DBF4: variants seen among roughly 807,000 people sequenced by gnomAD.
DBF4 encodes the protein protein DBF4 homolog A.
In DBF4, 25 loss-of-function variants were observed where a neutral mutation model predicts 76.6. The observed-to-expected ratio is 0.33, with a 90% CI of 0.24 to 0.46. The LOEUF (loss-of-function observed/expected upper bound fraction) is 0.46. Among genes scored for constraint, DBF4 ranks in the 20% least tolerant of loss-of-function variants. DBF4 has a pLI of 1.00. For missense variants in DBF4, 638 were observed against 760.8 expected, an observed-to-expected ratio of 0.84 and a Z score of 1.90; for synonymous variants, 213 against 258.0, an observed-to-expected ratio of 0.83 and a Z score of 1.67.
chr7:87,877,717 G>A (rs954463315), intron 1 of DBF4, among the ~76,000 whole-genome samples: 4 of 152,184 alleles, frequency 2.6e-5, no homozygotes, highest in Non-Finnish European at 4.4e-5. Context: ...AATGGCAGAT[G>A]CTCAATAAAT....
Position 87,893,331 on chromosome 7 carries a change from C to T in DBF4, c.598-3143C>T, listed in dbSNP as rs375452635. On this transcript the variant is annotated intron_variant, in intron 6 of 11. Coordinates refer to ENST00000265728, the MANE Select transcript of DBF4 (RefSeq NM_006716.4). ...CGCAATCTCGGCTCACTGCAAGCTC[C>T]GCTTCCCGGGTTCACGCCATTCTCC... Among the ~76,000 whole-genome samples, 41 of 151,184 alleles carry T rather than the reference C, an allele frequency of 2.7e-4. No homozygotes were observed. The East Asian group carries it at 3.3e-3, about 12-fold the overall frequency.
At chr7:87,899,763 A>G (rs1839725128) in intron 8 of DBF4, among the ~76,000 whole-genome samples, 1 of 152,230 alleles carries the variant, frequency 6.6e-6, no homozygotes, top group South Asian at 2.1e-4. Context: ...AAGTGAAATA[A>G]GACAAAAAAT....
chr7:87,888,209 T>C, intron 6 of DBF4, 150 bp downstream of exon 6: 1 of 1,268,728 alleles, frequency 7.9e-7, no homozygotes, highest in Non-Finnish European at 1.0e-6. Flanking sequence ...CGAGTGTCAT[T>C]TAACTTTAGG....
intron 3 of DBF4, among the ~76,000 whole-genome samples, chr7:87,885,596 A>G (rs911592120): frequency 3.9e-5 from 6 of 152,218 alleles, no homozygotes; most frequent in Non-Finnish European, 8.8e-5. Context: ...AAATATCAAA[A>G]GAATATTTTG....
intron 2 of DBF4, among the ~76,000 whole-genome samples, chr7:87,879,323 A>C (rs1474589506): frequency 6.6e-6 from 1 of 152,186 alleles, no homozygotes; most frequent in Non-Finnish European, 1.5e-5. Context: ...TATTTTATTT[A>C]CTTATCTCTG....
intron 2 of DBF4, among the ~76,000 whole-genome samples, chr7:87,881,050 G>A (rs572136752): frequency 6.6e-6 from 1 of 152,268 alleles, no homozygotes; most frequent in African/African-American, 2.4e-5. Context: ...GAAGACCCTG[G>A]TAAAATTGAT....
chr7:87,877,492 T>G (rs536882920), intron 1 of DBF4, among the ~76,000 whole-genome samples: 1 of 152,322 alleles, frequency 6.6e-6, no homozygotes, highest in East Asian at 1.9e-4. Context: ...ATGAAAATAA[T>G]GAAAGGTTTA....
At chr7:87,885,862 T>C (rs1584356099) in intron 3 of DBF4, among the ~76,000 whole-genome samples, 1 of 152,180 alleles carries the variant, frequency 6.6e-6, no homozygotes, top group Non-Finnish European at 1.5e-5. Context: ...AATTGAAAGA[T>C]GCAAGGAAAG....
chr7:87,900,132 C>T, intron 8 of DBF4, 89 bp from the exon 9 acceptor site: 1 of 1,104,394 alleles, frequency 9.1e-7, no homozygotes. Context: ...CAGATTCCAG[C>T]TTAATTATAT....
intron 8 of DBF4, 78 bp downstream of exon 8, chr7:87,897,417 G>A (rs1234844901): frequency 3.6e-5 from 48 of 1,321,472 alleles, no homozygotes; most frequent in Admixed American, 1.5e-4. Context: ...AGGCTAGCTC[G>A]ATTAGTACTG....
At chr7:87,903,294 G>A (rs1483471588) in intron 10 of DBF4, among the ~76,000 whole-genome samples, 2 of 152,162 alleles carry the variant, frequency 1.3e-5, no homozygotes, top group Non-Finnish European at 2.9e-5. Context: ...TGGCCAGGAG[G>A]TCTCGAACTC....
intron 10 of DBF4, among the ~76,000 whole-genome samples, chr7:87,901,810 C>T (rs868143727): frequency 3.9e-5 from 6 of 152,040 alleles, no homozygotes; most frequent in African/African-American, 4.8e-5. Context: ...TAATTTTTTA[C>T]GTAATAGATA....
intron 3 of DBF4, 40 bp from the exon 4 acceptor site, chr7:87,886,804 G>C (rs771006537): frequency 8.2e-7 from 1 of 1,224,086 alleles, no homozygotes; most frequent in Non-Finnish European, 1.2e-6. Flanking sequence ...CTGTTCTCCA[G>C]TTAAGCACTA....
At chr7:87,890,138 TGTG>T (rs1167328897) in intron 6 of DBF4, among the ~76,000 whole-genome samples, 7 of 152,222 alleles carry the variant, frequency 4.6e-5, no homozygotes, top group Admixed American at 1.3e-4. Flanking sequence ...CCCTCCTTAA[TGTG>T]GTGGATATTA....
At chr7:87,881,903 G>C (rs1839223056) in intron 2 of DBF4, among the ~76,000 whole-genome samples, 1 of 152,194 alleles carries the variant, frequency 6.6e-6, no homozygotes, top group Non-Finnish European at 1.5e-5. Context: ...AAGGCAAATA[G>C]ACATACTAAA....
chr7:87,878,121 G>A lies in DBF4; in HGVS notation c.115G>A (p.Glu39Lys), dbSNP rs1323865519. Residue 39 changes from glutamate (E) to lysine (K), a missense_variant, in exon 2 of 12, where the codon GAA (glutamate) becomes AAA (lysine). Coordinates refer to ENST00000265728, the MANE Select transcript of DBF4 (RefSeq NM_006716.4). ...LKSLKTDNRP[E>K]KSKCKPLWGK... is the part of the protein sequence containing the mutation. ...ATCTCTGAAAACTGATAACAGGCCA[G>A]AAAAATCCAAATGTAAGCCACTTTG... 4 of 1,612,524 alleles carry A rather than the reference G, an allele frequency of 2.5e-6. No individual in the cohort carries two copies. In the South Asian group the frequency reaches 3.3e-5, roughly 13 times the overall value.
intron 8 of DBF4, 136 bp downstream of exon 8, chr7:87,897,475 A>C: frequency 2.9e-6 from 2 of 688,186 alleles, no homozygotes; most frequent in Non-Finnish European, 4.6e-6. Flanking sequence ...TGCATGCGGC[A>C]CAAGTTAACG....
intron 2 of DBF4, among the ~76,000 whole-genome samples, chr7:87,878,710 A>C (rs897624520): frequency 1.3e-5 from 2 of 152,354 alleles, no homozygotes; most frequent in Non-Finnish European, 2.9e-5. Context: ...AATCTGGAAT[A>C]CCTTCTTTCC....
chr7:87,898,240 T>C (rs1489394015), intron 8 of DBF4, among the ~76,000 whole-genome samples: 1 of 152,232 alleles, frequency 6.6e-6, no homozygotes, highest in Non-Finnish European at 1.5e-5. Context: ...CTGCTTTTTA[T>C]GAAATGTGTT....
Sources: allele counts gnomAD v4.1 joint callset (sites outside exome capture counted in the v4.1 genomes callset), GRCh38; gene constraint gnomAD v4.1.1; transcripts MANE v1.5; gene names NCBI Gene and HGNC (gene_info 2026-07-23, HGNC 2026-07-21).